Variants in MCC observed in about 807,000 individuals in gnomAD.
MCC encodes the protein MCC regulator of Wnt signaling pathway.
A neutral mutation model predicts 116.2 loss-of-function variants in MCC; 90 were observed. The ratio of observed to expected loss-of-function variants is 0.77; its 90% confidence interval spans 0.65 to 0.92. The LOEUF (loss-of-function observed/expected upper bound fraction) is 0.92. Ranked by LOEUF, MCC falls within the 40% of genes least tolerant of loss-of-function variation. The probability of loss-of-function intolerance (pLI) is 0.00; values close to 1 mark genes in which losing one functional copy is unlikely to be tolerated. For synonymous variants in MCC, 578 were observed against 510.5 expected, an observed-to-expected ratio of 1.13 and a Z score of -1.78; for missense variants, 1,516 against 1,312.2, an observed-to-expected ratio of 1.16 and a Z score of -2.40.
chr5:113,073,467 C>T (rs1754187502), intron 11 of MCC, among the ~76,000 whole-genome samples: 1 of 152,200 alleles, frequency 6.6e-6, no homozygotes, highest in South Asian at 2.1e-4. Context: ...TCTAATTACA[C>T]TTCGAATAAA....
At chr5:113,341,952 C>G (rs995940796) in intron 2 of MCC, among the ~76,000 whole-genome samples, 1 of 152,008 alleles carries the variant, frequency 6.6e-6, no homozygotes, top group East Asian at 1.9e-4. Context: ...GAACAGTGTA[C>G]GCTGTGCCCA....
chr5:113,203,913 T>A (rs2150320084), intron 3 of MCC, among the ~76,000 whole-genome samples: 1 of 152,298 alleles, frequency 6.6e-6, no homozygotes, highest in Admixed American at 6.5e-5. Flanking sequence ...CCAAGATTGG[T>A]CCTTAACTTT....
intron 1 of MCC, among the ~76,000 whole-genome samples, chr5:113,419,408 G>A (rs901052881): frequency 6.6e-6 from 1 of 151,208 alleles, no homozygotes; most frequent in Non-Finnish European, 1.5e-5. Context: ...ATGTGCCCAG[G>A]CTGGTCTCAA....
intron 1 of MCC, among the ~76,000 whole-genome samples, chr5:113,443,224 G>T (rs187710132): frequency 7.3e-4 from 111 of 152,288 alleles, no homozygotes; most frequent in South Asian, 2.5e-3. Flanking sequence ...TTGCTTGTAA[G>T]TTGGATTCCT....
At chr5:113,053,550 A>T (rs1463992348) in intron 15 of MCC, among the ~76,000 whole-genome samples, 175 bp downstream of exon 15, 1 of 152,130 alleles carries the variant, frequency 6.6e-6, no homozygotes, top group Non-Finnish European at 1.5e-5. Context: ...GTCCAGAAAC[A>T]CGCAGCCCAA....
chr5:113,415,782 A>G lies in MCC; in HGVS notation c.171-30570T>C, dbSNP rs567312184. ...AAGCCTACTTCTGTCAGCTTGTCAA[A>G]GTCATTCTCCGTCCAGCTTTGTTCC... On this transcript the variant is annotated intron_variant, in intron 1 of 18. Transcript: ENST00000408903. 4.5e-3 allele frequency among the ~76,000 whole-genome samples: 685 copies of G among 152,310 alleles called. 4 individuals carry two copies. Among genetic ancestry groups the G allele is most frequent in the South Asian group, 0.016 (79 of 4,818 alleles).
At chr5:113,345,849 C>T (rs1442064203) in intron 2 of MCC, among the ~76,000 whole-genome samples, 1 of 152,190 alleles carries the variant, frequency 6.6e-6, no homozygotes, top group Non-Finnish European at 1.5e-5. Context: ...AGCATTAACA[C>T]CATCCAGGAA....
At chr5:113,205,321 C>G (rs1432462947) in intron 3 of MCC, among the ~76,000 whole-genome samples, 2 of 152,198 alleles carry the variant, frequency 1.3e-5, no homozygotes, top group Non-Finnish European at 1.5e-5. Flanking sequence ...CCTTAATTTC[C>G]TCAGCTTTAA....
intron 1 of MCC, among the ~76,000 whole-genome samples, chr5:113,451,315 G>A (rs1036712911): frequency 2.0e-5 from 3 of 152,218 alleles, no homozygotes; most frequent in Admixed American, 6.5e-5. Context: ...AAAGAATAAC[G>A]ATTTAGCAAC....
chr5:113,143,133 G>C, intron 5 of MCC, 85 bp downstream of exon 5: 6 of 1,419,580 alleles, frequency 4.2e-6, no homozygotes, highest in Non-Finnish European at 5.6e-6. Flanking sequence ...TTCGGTCTTG[G>C]AGTTAAAATA....
chr5:113,269,205 C>T, intron 3 of MCC: 1 of 985,378 alleles, frequency 1.0e-6, no homozygotes, highest in Non-Finnish European at 1.2e-6. Flanking sequence ...AGTTCCCTCC[C>T]TGGCGTCAGG....
intron 3 of MCC, among the ~76,000 whole-genome samples, chr5:113,189,559 T>C (rs1043686261): frequency 1.3e-5 from 2 of 152,182 alleles, no homozygotes; most frequent in Non-Finnish European, 2.9e-5. Context: ...CTCAGGTGAC[T>C]CTAAGCCTCA....
chr5:113,073,841 G>C (rs999086478), intron 11 of MCC, among the ~76,000 whole-genome samples: 1 of 152,190 alleles, frequency 6.6e-6, no homozygotes, highest in Non-Finnish European at 1.5e-5. Flanking sequence ...ACGGGCGTCC[G>C]CCACTGCTGA....
chr5:113,102,201 T>C (rs1561811905), intron 7 of MCC, among the ~76,000 whole-genome samples: 1 of 152,226 alleles, frequency 6.6e-6, no homozygotes, highest in Non-Finnish European at 1.5e-5. Flanking sequence ...AGTCCTCTCC[T>C]GGCAGCTGAG....
chr5:113,195,310 C>A (rs1162900515), intron 3 of MCC, among the ~76,000 whole-genome samples: 1 of 152,224 alleles, frequency 6.6e-6, no homozygotes, highest in Admixed American at 6.5e-5. Context: ...CCAGCACATA[C>A]AGGCAGAAAG....
intron 3 of MCC, among the ~76,000 whole-genome samples, chr5:113,315,666 A>T (rs1767260444): frequency 6.7e-6 from 1 of 148,278 alleles, no homozygotes. Context: ...CCAGGAGTTC[A>T]ATATCAGCCT....
chr5:113,168,654 A>G (rs1371083401), intron 3 of MCC, among the ~76,000 whole-genome samples: 1 of 152,170 alleles, frequency 6.6e-6, no homozygotes, highest in Non-Finnish European at 1.5e-5. Context: ...CAGAATTCTG[A>G]ATCTCGTAGT....
At position 113,239,948 on chromosome 5, in the gene MCC, T is replaced by TAA. The variant is rs1375875263; in HGVS notation, c.628-88527_628-88526insTT. ...CTCCACACAGAGCTCAGGTTGAGCT[T>TAA]TAGACACAAATCTCATCTGGTCATT... is the stretch of plus-strand genomic sequence containing the variant. On this transcript the variant is annotated intron_variant, in intron 3 of 18. Transcript: ENST00000408903. 3.9e-5 allele frequency among the ~76,000 whole-genome samples: 6 copies of TAA among 152,284 alleles called. No individual in the cohort carries two copies. The East Asian group carries it at 1.2e-3, about 29-fold the overall frequency.
intron 1 of MCC, among the ~76,000 whole-genome samples, chr5:113,424,132 TACACACACACACACACACACACAC>T (rs547192248): frequency 6.7e-4 from 75 of 112,702 alleles, no homozygotes; most frequent in African/African-American, 2.3e-3. Context: ...AGTCATCCTC[TACACACACACACACACACACACAC>T]ACACACACAC....
Sources: gnomAD v4.1 joint callset for allele counts (sites outside exome capture counted in the v4.1 genomes callset) on GRCh38, gnomAD v4.1.1 for gene constraint, MANE v1.5 for transcripts, NCBI Gene and HGNC (gene_info 2026-07-23, HGNC 2026-07-21) for gene names.